Variants in GSE1 observed in about 807,000 individuals in gnomAD.
GSE1 encodes the protein Gse1 coiled-coil protein.
Under a neutral mutation model 112.6 loss-of-function variants are expected in GSE1, and 32 were observed. The ratio of observed to expected loss-of-function variants is 0.28; its 90% CI spans 0.21 to 0.38. The LOEUF (loss-of-function observed/expected upper bound fraction) is 0.38. Ranked by LOEUF, GSE1 falls within the 10% of genes least tolerant of loss-of-function variation. The pLI, the probability that GSE1 is intolerant of heterozygous loss-of-function variation, is 1.00. For synonymous variants in GSE1, 1,115 were observed against 735.6 expected (o/e 1.52, Z -8.35); for missense variants, 2,348 against 1,699.2 (o/e 1.38, Z -6.71).
chr16:85,409,333 A>T (rs1391477422), intron 2 of GSE1, among the ~76,000 whole-genome samples: 4 of 37,142 alleles, frequency 1.1e-4, no homozygotes, highest in Non-Finnish European at 1.5e-4. Flanking sequence ...TCACTGTTAC[A>T]CTCAGGGCCC....
intron 1 of GSE1, among the ~76,000 whole-genome samples, chr16:85,292,356 G>GTCTT (rs369078472): frequency 4.3e-4 from 64 of 149,176 alleles, no homozygotes; most frequent in African/African-American, 1.4e-3. Flanking sequence ...CTGAGACAGA[G>GTCTT]TCTTGCTCTG....
chr16:85,535,648 G>A lies in GSE1; in HGVS notation c.2465-98266G>A, dbSNP rs145521788. On this transcript the variant is annotated intron_variant, in intron 2 of 2. Coordinates refer to the GSE1 transcript ENST00000637419. ...GGGGTGATACTGGGTGAAAGGAGAA[G>A]TGGGTGGGACCCCCAGTAGGTCCTA... is the stretch of plus-strand genomic sequence containing the variant. Among the ~76,000 whole-genome samples, 429 of 152,298 alleles carry A rather than the reference G, an allele frequency of 2.8e-3. 2 individuals are homozygous for A. The highest frequency in any genetic ancestry group is 9.6e-3 in the African/African-American group (400 of 41,548).
intron 2 of GSE1, among the ~76,000 whole-genome samples, chr16:85,545,390 G>A (rs2044661219): frequency 6.6e-6 from 1 of 152,242 alleles, no homozygotes; most frequent in Non-Finnish European, 1.5e-5. Context: ...CATGTAGACT[G>A]CAGATGCGGT....
At chr16:85,286,694 C>T (rs117731920) in intron 1 of GSE1, among the ~76,000 whole-genome samples, 2,909 of 151,460 alleles carry the variant, frequency 0.019, 52 homozygotes, top group Middle Eastern at 0.048. Context: ...CAGCTTCAGA[C>T]TGGGTTGGGA....
chr16:85,578,191 G>A (rs2046307279), intron 1 of GSE1, among the ~76,000 whole-genome samples: 1 of 152,246 alleles, frequency 6.6e-6, no homozygotes, highest in Non-Finnish European at 1.5e-5. Context: ...CAGATATTGT[G>A]CGCTGACACC....
chr16:85,250,440 C>T (rs1385929772), intron 1 of GSE1, among the ~76,000 whole-genome samples: 1 of 152,116 alleles, frequency 6.6e-6, no homozygotes, highest in Non-Finnish European at 1.5e-5. Context: ...GGCTGGTGAG[C>T]CCAGCTGGGG....
At chr16:85,670,081 T>G (rs148040544) in intron 14 of GSE1, among the ~76,000 whole-genome samples, 1 of 152,258 alleles carries the variant, frequency 6.6e-6, no homozygotes. Context: ...ATGAATATGG[T>G]ACAAAACTAT....
intron 1 of GSE1, among the ~76,000 whole-genome samples, chr16:85,556,804 T>C (rs1391763030): frequency 8.5e-6 from 1 of 117,326 alleles, no homozygotes; most frequent in East Asian, 3.2e-4. Context: ...GCCAACCCCC[T>C]TGCGCGGTCT....
intron 1 of GSE1, among the ~76,000 whole-genome samples, chr16:85,585,853 G>A (rs2046667706): frequency 6.6e-6 from 1 of 152,242 alleles, no homozygotes; most frequent in Non-Finnish European, 1.5e-5. Flanking sequence ...TGTGTGAGGA[G>A]TGTGGACTTG....
chr16:85,435,340 T>G (rs2049221324), intron 2 of GSE1, among the ~76,000 whole-genome samples: 1 of 150,642 alleles, frequency 6.6e-6, no homozygotes, highest in African/African-American at 2.4e-5. Context: ...AAATTCCTCT[T>G]AGACTGTGCC....
chr16:85,385,329 G>A (rs760563648), intron 2 of GSE1, among the ~76,000 whole-genome samples: 130 of 152,332 alleles, frequency 8.5e-4, no homozygotes, highest in Non-Finnish European at 1.6e-3. Flanking sequence ...TGCCCCTGAC[G>A]CCATCTGTGT....
At chr16:85,427,987 C>T in intron 2 of GSE1, among the ~76,000 whole-genome samples, 1 of 152,228 alleles carries the variant, frequency 6.6e-6, no homozygotes, top group East Asian at 1.9e-4. Flanking sequence ...ACCTAGAGCA[C>T]ATTACAGTTG....
chr16:85,502,458 G>A (rs2151915103), intron 2 of GSE1, among the ~76,000 whole-genome samples: 1 of 152,318 alleles, frequency 6.6e-6, no homozygotes, highest in South Asian at 2.1e-4. Context: ...AGGCTCAGCA[G>A]GGAGCAGTCT....
rs1345145561 is a variant in GSE1, at chr16:85,530,157, T to G, written c.2465-103757T>G. 2.6e-5 allele frequency among the ~76,000 whole-genome samples: 4 copies of G among 152,216 alleles called. No individual in the cohort carries two copies. The East Asian group carries it at 7.7e-4, about 29-fold the overall frequency. ...CGTCCTGCCTCCTCCGGCCCCCGAT[T>G]TCCAGCTCAGCCGTCTGCCTTGGCT... On this transcript the variant is annotated intron_variant, in intron 2 of 2. Transcript: ENST00000637419.
intron 1 of GSE1, among the ~76,000 whole-genome samples, chr16:85,328,725 A>G (rs776658575): frequency 6.6e-6 from 1 of 152,144 alleles, no homozygotes; most frequent in African/African-American, 2.4e-5. Flanking sequence ...CCCCGTAGTC[A>G]TGTCCGTGCC....
At chr16:85,572,796 TG>T (rs2046064351) in intron 1 of GSE1, among the ~76,000 whole-genome samples, 1 of 152,160 alleles carries the variant, frequency 6.6e-6, no homozygotes, top group Admixed American at 6.5e-5. Context: ...GGAAGAGGTG[TG>T]GGGCCTTGTC....
At chr16:85,360,147 C>G (rs148104226) in intron 2 of GSE1, among the ~76,000 whole-genome samples, 84 of 152,262 alleles carry the variant, frequency 5.5e-4, no homozygotes, top group African/African-American at 1.8e-3. Flanking sequence ...GGGCTGGTCA[C>G]TCCTGAGTCC....
At chr16:85,496,219 G>C (rs994209434) in intron 2 of GSE1, among the ~76,000 whole-genome samples, 1 of 152,218 alleles carries the variant, frequency 6.6e-6, no homozygotes, top group African/African-American at 2.4e-5. Context: ...GCAATTCCCA[G>C]AACCATCCAT....
chr16:85,209,434 G>T (rs552491680), intron 1 of GSE1, among the ~76,000 whole-genome samples: 1 of 152,118 alleles, frequency 6.6e-6, no homozygotes, highest in Non-Finnish European at 1.5e-5. Context: ...GGAACCTGCC[G>T]CATTCTGTTC....
Sources: allele counts gnomAD v4.1 joint callset (sites outside exome capture counted in the v4.1 genomes callset), GRCh38; gene constraint gnomAD v4.1.1; transcripts MANE v1.5; gene names NCBI Gene and HGNC (gene_info 2026-07-23, HGNC 2026-07-21).